The following LHFPL3 variants were observed in gnomAD, a reference collection of about 807,000 sequenced individuals.
LHFPL3 encodes LHFPL tetraspan subfamily member 3.
A neutral mutation model predicts 19.3 loss-of-function variants in LHFPL3; 5 were observed. That is an observed-to-expected ratio of 0.26 (90% CI 0.14 to 0.54). The LOEUF is 0.54. LHFPL3 is among the 20% of genes least tolerant of loss of function. LHFPL3 has a pLI of 0.94. For synonymous variants in LHFPL3, 133 were observed against 126.2 expected, an observed-to-expected ratio of 1.05 and a Z score of -0.36; for missense variants, 249 against 307.4, an observed-to-expected ratio of 0.81 and a Z score of 1.42.
intron 1 of LHFPL3, among the ~76,000 whole-genome samples, chr7:104,611,422 A>C (rs1791211551): frequency 6.6e-6 from 1 of 152,196 alleles, no homozygotes; most frequent in African/African-American, 2.4e-5. Flanking sequence ...GGATCCAGGC[A>C]GGAAATACAG....
At chr7:104,504,023 TA>T (rs1396639891) in intron 1 of LHFPL3, among the ~76,000 whole-genome samples, 2 of 152,244 alleles carry the variant, frequency 1.3e-5, no homozygotes, top group Non-Finnish European at 2.9e-5. Context: ...CATTCTGTAC[TA>T]GAGAAGATAG....
intron 1 of LHFPL3, among the ~76,000 whole-genome samples, chr7:104,591,312 GTGA>G (rs1790717420): frequency 6.6e-6 from 1 of 152,120 alleles, no homozygotes; most frequent in African/African-American, 2.4e-5. Context: ...AGGCCTGATG[GTGA>G]CAAAAGTCTC....
intron 1 of LHFPL3, among the ~76,000 whole-genome samples, chr7:104,628,411 G>C (rs963697657): frequency 6.6e-6 from 1 of 152,156 alleles, no homozygotes; most frequent in Non-Finnish European, 1.5e-5. Context: ...TCAGATACTG[G>C]CAAATAAAGT....
chr7:104,503,714 T>G (rs1793644611), intron 1 of LHFPL3, among the ~76,000 whole-genome samples: 1 of 151,998 alleles, frequency 6.6e-6, no homozygotes, highest in Non-Finnish European at 1.5e-5. Context: ...GAACCACAGG[T>G]GCGCACCACC....
chr7:104,828,556 T>G (rs1199596049), intron 2 of LHFPL3, among the ~76,000 whole-genome samples: 2 of 151,962 alleles, frequency 1.3e-5, no homozygotes, highest in Non-Finnish European at 2.9e-5. Context: ...CAGGAGATAC[T>G]GGCCTGACAG....
chr7:104,818,431 C>T (rs1425989684), intron 2 of LHFPL3, among the ~76,000 whole-genome samples: 1 of 150,322 alleles, frequency 6.7e-6, no homozygotes, highest in Non-Finnish European at 1.5e-5. Context: ...GTCCCAACTA[C>T]TCGGGAGGCT....
At chr7:104,419,555 T>C (rs1791687041) in intron 1 of LHFPL3, among the ~76,000 whole-genome samples, 1 of 152,120 alleles carries the variant, frequency 6.6e-6, no homozygotes, top group Non-Finnish European at 1.5e-5. Flanking sequence ...TCTGATACCA[T>C]TAAAAATACA....
chr7:104,480,984 A>G (rs1300424724), intron 1 of LHFPL3, among the ~76,000 whole-genome samples: 1 of 152,152 alleles, frequency 6.6e-6, no homozygotes, highest in Non-Finnish European at 1.5e-5. Context: ...AATGGGGTGA[A>G]GCAAGGAGAC....
intron 1 of LHFPL3, among the ~76,000 whole-genome samples, chr7:104,445,236 A>T (rs1366115938): frequency 6.6e-6 from 1 of 152,198 alleles, no homozygotes; most frequent in Non-Finnish European, 1.5e-5. Context: ...TTGGTCTTTT[A>T]TGAAACTGAA....
rs558444486 is a variant in LHFPL3, at chr7:104,842,255, G to T, written c.683-63932G>T. ...GCAAAATACTCTCAAAGTTACTCAG[G>T]CATCAGCTCCTCCTCTAGCGGTAGA... On this transcript the variant is annotated intron_variant, in intron 2 of 2. Coordinates refer to ENST00000424859, the MANE Select transcript of LHFPL3 (RefSeq NM_199000.3). 7.9e-5 allele frequency among the ~76,000 whole-genome samples: 10 copies of T among 127,028 alleles called. No individual in the cohort carries two copies. In the South Asian group the frequency reaches 2.6e-3, roughly 33 times the overall value. The allele number at this position is 127,028 out of a possible 152,430, so 83.3% of individuals were successfully genotyped here.
At chr7:104,577,816 A>T (rs79329129) in intron 1 of LHFPL3, among the ~76,000 whole-genome samples, 5,286 of 152,284 alleles carry the variant, frequency 0.035, 299 homozygotes, top group African/African-American at 0.12. Context: ...AAACCGTCCC[A>T]GTGCCCATTC....
At chr7:104,561,781 T>A (rs1041326198) in intron 1 of LHFPL3, among the ~76,000 whole-genome samples, 5 of 152,192 alleles carry the variant, frequency 3.3e-5, no homozygotes, top group African/African-American at 1.2e-4. Context: ...CTAGTCTCGA[T>A]TGTCTTTACA....
At chr7:104,727,484 CTCTT>C (rs1298035073) in intron 1 of LHFPL3, among the ~76,000 whole-genome samples, 1 of 152,146 alleles carries the variant, frequency 6.6e-6, no homozygotes, top group East Asian at 1.9e-4. Context: ...GGACCAAAGA[CTCTT>C]TCTTCAGAAA....
At chr7:104,740,047 G>A (rs971820014) in intron 2 of LHFPL3, among the ~76,000 whole-genome samples, 1 of 152,146 alleles carries the variant, frequency 6.6e-6, no homozygotes, top group Non-Finnish European at 1.5e-5. Context: ...TCTCATGATA[G>A]CGAGTAATTT....
intron 1 of LHFPL3, among the ~76,000 whole-genome samples, chr7:104,348,850 C>T (rs993627201): frequency 1.3e-5 from 2 of 152,266 alleles, no homozygotes; most frequent in South Asian, 2.1e-4. Context: ...TGACCTTGTG[C>T]GCGTCTTACC....
chr7:104,537,679 T>C (rs1794415194), intron 1 of LHFPL3, among the ~76,000 whole-genome samples: 1 of 152,218 alleles, frequency 6.6e-6, no homozygotes, highest in African/African-American at 2.4e-5. Flanking sequence ...GATAAAGTTA[T>C]TGGGTTCCCT....
At position 104,554,513 on chromosome 7, in the gene LHFPL3, T is replaced by A. The variant is rs79145242; in HGVS notation, c.446-182162T>A. Among the ~76,000 whole-genome samples the A allele has an allele frequency of 2.7e-3, 414 of 152,280 alleles. 1 individual carries two copies. The highest frequency in any genetic ancestry group is 9.6e-3 in the African/African-American group (400 of 41,554). On this transcript the variant is annotated intron_variant, in intron 1 of 2. Transcript: ENST00000424859. ...TAGCTCGTGTTATAGACTAAATGTG[T>A]GAGTCCCCCAAAACTTCATGTTGCT...
intron 1 of LHFPL3, among the ~76,000 whole-genome samples, chr7:104,711,773 A>G (rs990731171): frequency 1.4e-4 from 22 of 152,178 alleles, no homozygotes; most frequent in African/African-American, 5.3e-4. Flanking sequence ...GAAAACCCAG[A>G]AGAGATTTAT....
chr7:104,485,705 G>T (rs1391273222), intron 1 of LHFPL3, among the ~76,000 whole-genome samples: 1 of 151,948 alleles, frequency 6.6e-6, no homozygotes, highest in Non-Finnish European at 1.5e-5. Context: ...GTGCCATGTT[G>T]GTTTGCTGCA....
Sources: allele counts gnomAD v4.1 joint callset (sites outside exome capture counted in the v4.1 genomes callset), GRCh38; gene constraint gnomAD v4.1.1; transcripts MANE v1.5; gene names NCBI Gene and HGNC (gene_info 2026-07-23, HGNC 2026-07-21).